RAB27B: variants seen among roughly 807,000 people sequenced by gnomAD.
RAB27B encodes the protein ras-related protein Rab-27B.
A neutral mutation model predicts 24.6 loss-of-function variants in RAB27B; 15 were observed. That is an observed-to-expected ratio of 0.61 (90% CI 0.41 to 0.94). The LOEUF is 0.94. Among genes scored for constraint, RAB27B ranks in the 40% least tolerant of loss-of-function variants. The pLI is 0.00. For missense variants in RAB27B, 261 were observed against 266.8 expected, an observed-to-expected ratio of 0.98 and a Z score of 0.15; for synonymous variants, 105 against 92.5, an observed-to-expected ratio of 1.14 and a Z score of -0.78.
intron 1 of RAB27B, among the ~76,000 whole-genome samples, chr18:54,864,485 CAA>C (rs1004020156): frequency 5.4e-5 from 8 of 146,802 alleles, no homozygotes; most frequent in African/African-American, 2.0e-4. Context: ...TATTGAAGCA[CAA>C]AAGTTTTTAT....
At chr18:54,753,319 G>GA (rs1907895392) in intron 2 of RAB27B, among the ~76,000 whole-genome samples, 1 of 152,140 alleles carries the variant, frequency 6.6e-6, no homozygotes, top group South Asian at 2.1e-4. Context: ...CATATTCATG[G>GA]ACCATTTTTC....
In RAB27B at chr18:54,819,486, C is replaced by T. The variant is rs1910227261; in HGVS notation, c.-19-58081C>T. On this transcript the variant is annotated intron_variant, in intron 2 of 4. Transcript: ENST00000586570. The stretch of plus-strand genomic sequence containing the variant: ...GACGGAGGTTGCAGTAAGCCAACAT[C>T]ACAGCACTGCACTCCAGCGTGGGCG... Among the ~76,000 whole-genome samples, 3 of 130,408 alleles carry T rather than the reference C, an allele frequency of 2.3e-5. No homozygotes were observed. The Admixed American group carries it at 2.7e-4, about 12-fold the overall frequency. 85.6% of individuals were successfully genotyped at this position (130,408 alleles called of 152,430 possible).
chr18:54,840,971 A>AC (rs1242892762), intron 1 of RAB27B, among the ~76,000 whole-genome samples: 1 of 151,774 alleles, frequency 6.6e-6, no homozygotes, highest in African/African-American at 2.4e-5. Flanking sequence ...ACATGGTGAA[A>AC]CCCCGTCTCT....
In RAB27B at chr18:54,834,959, A is replaced by T. The variant is rs141421953; in HGVS notation, c.-20+6259A>T. On this transcript the variant is annotated intron_variant, in intron 1 of 5. Transcript: ENST00000262094. Reference sequence around the variant, plus strand: ...AATCTGACCTGAGGGATATACCAGAACAATAATAATTAGTAAAAGCAAAAT... The same window carrying T: ...AATCTGACCTGAGGGATATACCAGATCAATAATAATTAGTAAAAGCAAAAT... Among the ~76,000 whole-genome samples, 149 of 152,062 alleles carry T rather than the reference A, an allele frequency of 9.8e-4. 5 individuals are homozygous for T. In the East Asian group the frequency reaches 0.028, roughly 29 times the overall value.
chr18:54,768,013 TGGAGA>T (rs1189189569), intron 2 of RAB27B, among the ~76,000 whole-genome samples: 5 of 152,134 alleles, frequency 3.3e-5, no homozygotes, highest in East Asian at 1.9e-4. Context: ...AATAGAGACT[TGGAGA>T]GGAAAGATGG....
intron 1 of RAB27B, among the ~76,000 whole-genome samples, chr18:54,843,596 C>T (rs1320482542): frequency 1.3e-5 from 2 of 152,140 alleles, no homozygotes; most frequent in Non-Finnish European, 2.9e-5. Context: ...CTGGTGTGTT[C>T]CGGCTGCATA....
intron 1 of RAB27B, among the ~76,000 whole-genome samples, chr18:54,831,766 G>A (rs1910689387): frequency 6.6e-6 from 1 of 151,408 alleles, no homozygotes; most frequent in South Asian, 2.1e-4. Context: ...CCTCAGGGGA[G>A]GTGATTTTTT....
intron 2 of RAB27B, among the ~76,000 whole-genome samples, chr18:54,738,180 A>G (rs1480839033): frequency 6.6e-6 from 1 of 152,182 alleles, no homozygotes; most frequent in Non-Finnish European, 1.5e-5. Context: ...ATTTCTCATT[A>G]TTTATTTTAT....
At chr18:54,778,736 T>C (rs952833184) in intron 2 of RAB27B, among the ~76,000 whole-genome samples, 4 of 152,196 alleles carry the variant, frequency 2.6e-5, no homozygotes, top group Non-Finnish European at 4.4e-5. Flanking sequence ...AAAAATGATC[T>C]GTGCAGGGTC....
chr18:54,867,442 C>CTTTTTTTTTTTTTTTT lies in RAB27B; in HGVS notation c.-19-10120_-19-10105dup, dbSNP rs548288719. Among the ~76,000 whole-genome samples the CTTTTTTTTTTTTTTTT allele has an allele frequency of 9.7e-4, 96 of 98,760 alleles. 1 individual carries two copies. Among genetic ancestry groups the CTTTTTTTTTTTTTTTT allele is most frequent in the Non-Finnish European group, 1.4e-3 (69 of 50,160 alleles). 64.8% of individuals were successfully genotyped at this position (98,760 alleles called of 152,430 possible). On this transcript the variant is annotated intron_variant, in intron 1 of 5. Coordinates refer to ENST00000262094, the MANE Select transcript of RAB27B (RefSeq NM_004163.4). ...CTGATGCTTTCTTTTCTTTTCTTTT[C>CTTTTTTTTTTTTTTTT]TTTTTTTTTTTTTTTTTTTTCTGAG...
At chr18:54,834,126 G>A (rs555940480) in intron 1 of RAB27B, among the ~76,000 whole-genome samples, 24 of 152,318 alleles carry the variant, frequency 1.6e-4, no homozygotes, top group African/African-American at 5.8e-4. Flanking sequence ...AGAATTGATA[G>A]TGAAAGTATA....
intron 2 of RAB27B, among the ~76,000 whole-genome samples, chr18:54,783,481 T>TGTGTGTGTGTGTGTGTGTGTGTGTG (rs1908980504): frequency 6.7e-6 from 1 of 149,674 alleles, no homozygotes; most frequent in African/African-American, 2.5e-5. Context: ...GCCTATGGCT[T>TGTGTGTGTGTGTGTGTGTGTGTGTG]TGTGTGTGTG....
intron 2 of RAB27B, among the ~76,000 whole-genome samples, chr18:54,751,113 C>G (rs1598878191): frequency 6.6e-6 from 1 of 152,142 alleles, no homozygotes; most frequent in East Asian, 1.9e-4. Context: ...AGCTTTTTAC[C>G]TTTTACACTC....
chr18:54,866,355 G>T (rs1369720044), intron 1 of RAB27B, among the ~76,000 whole-genome samples: 1 of 152,166 alleles, frequency 6.6e-6, no homozygotes, highest in Non-Finnish European at 1.5e-5. Flanking sequence ...GAGTGCAATG[G>T]CGCTATATCT....
chr18:54,839,112 A>ATTAT (rs1911008077), intron 1 of RAB27B, among the ~76,000 whole-genome samples: 1 of 152,148 alleles, frequency 6.6e-6, no homozygotes, highest in Non-Finnish European at 1.5e-5. Context: ...ACTATTTGAC[A>ATTAT]TGGTTATCAA....
At chr18:54,780,891 C>T (rs1908894395) in intron 2 of RAB27B, among the ~76,000 whole-genome samples, 2 of 152,178 alleles carry the variant, frequency 1.3e-5, no homozygotes, top group African/African-American at 4.8e-5. Flanking sequence ...GAGCTTTGTA[C>T]TGGGAGTAGC....
chr18:54,778,989 A>C (rs1300349437), intron 2 of RAB27B, among the ~76,000 whole-genome samples: 1 of 151,902 alleles, frequency 6.6e-6, no homozygotes, highest in Non-Finnish European at 1.5e-5. Context: ...ACAGGTGCGC[A>C]CCACCACACC....
intron 2 of RAB27B, among the ~76,000 whole-genome samples, chr18:54,814,540 A>G (rs1200327640): frequency 2.6e-5 from 4 of 152,344 alleles, no homozygotes; most frequent in African/African-American, 7.2e-5. Context: ...TCAATACTCC[A>G]GAGCAGATTA....
chr18:54,741,974 G>T, intron 2 of RAB27B, among the ~76,000 whole-genome samples: 1 of 152,146 alleles, frequency 6.6e-6, no homozygotes, highest in East Asian at 1.9e-4. Flanking sequence ...CTACCTTCTG[G>T]CAAAATCAGT....
Sources: allele counts gnomAD v4.1 joint callset (sites outside exome capture counted in the v4.1 genomes callset), GRCh38; gene constraint gnomAD v4.1.1; transcripts MANE v1.5; gene names NCBI Gene and HGNC (gene_info 2026-07-23, HGNC 2026-07-21).